The following TRIM39 variants were observed in gnomAD, a reference collection of about 807,000 sequenced individuals.
TRIM39 encodes the protein tripartite motif containing 39, also known as E3 ubiquitin-protein ligase TRIM39.
Under a neutral mutation model 53.6 loss-of-function variants are expected in TRIM39, and 5 were observed. That is an observed-to-expected ratio of 0.09 (90% CI 0.05 to 0.20). TRIM39 has a LOEUF of 0.20. TRIM39 is among the 10% of genes least tolerant of loss of function. The probability of loss-of-function intolerance (pLI) is 1.00; values close to 1 mark genes in which losing one functional copy is unlikely to be tolerated. For missense variants in TRIM39, 310 were observed against 621.0 expected (o/e 0.50, Z 5.32); for synonymous variants, 196 against 237.6 (o/e 0.82, Z 1.61).
intron 5 of TRIM39, among the ~76,000 whole-genome samples, chr6:30,336,679 C>G (rs1350766746): frequency 6.6e-6 from 1 of 152,194 alleles, no homozygotes; most frequent in Non-Finnish European, 1.5e-5. Context: ...TCTTTGAAAA[C>G]CCACATTTGC....
intron 5 of TRIM39, chr6:30,336,198 A>T (rs1361920173): frequency 1.4e-6 from 1 of 738,396 alleles, no homozygotes; most frequent in Non-Finnish European, 2.4e-6. Context: ...TATGTGCTTA[A>T]TCTGTTCCAA....
chr6:30,333,356 T>G (rs1223436770), intron 4 of TRIM39, among the ~76,000 whole-genome samples: 1 of 138,098 alleles, frequency 7.2e-6, no homozygotes, highest in Non-Finnish European at 1.6e-5. Context: ...TTTTGTGGTT[T>G]TTTTTTTTTT....
chr6:30,331,428 A>T (rs985493749), intron 4 of TRIM39, among the ~76,000 whole-genome samples: 1 of 152,250 alleles, frequency 6.6e-6, no homozygotes, highest in African/African-American at 2.4e-5. Flanking sequence ...CAGACAGAAT[A>T]TCTTACATCT....
At chr6:30,329,848 A>G (rs1785905249) in intron 3 of TRIM39, 78 bp downstream of exon 3, 6 of 1,517,534 alleles carry the variant, frequency 4.0e-6, no homozygotes, top group Non-Finnish European at 5.3e-6. Context: ...CTAGGTAGAG[A>G]TCGTAAGCTC....
In TRIM39 at chr6:30,342,645, GT is replaced by G; in HGVS notation, c.*388del. 1 of 282,254 alleles carries G rather than the reference GT, an allele frequency of 3.5e-6. No individual in the cohort carries two copies. The highest frequency in any genetic ancestry group is 6.2e-5 in the South Asian group (1 of 16,202). The allele number at this position is 282,254 out of a possible 1,614,324, so 17.5% of individuals were successfully genotyped here. A position where few individuals can be genotyped will look rare whatever the true frequency, so the allele number is the denominator to read the frequency against. On this transcript the variant is annotated 3_prime_UTR_variant, in exon 8 of 8. Coordinates refer to ENST00000396551, the Ensembl canonical transcript of TRIM39. The surrounding 1 kb of genome is among the most constrained non-coding windows in gnomAD (Gnocchi z 4.7). ...AAACCCCTGCACATCTTTTTAGGGG[GT>G]TCTTTGACCCAGGATAGTCTTGCTT...
intron 5 of TRIM39, among the ~76,000 whole-genome samples, chr6:30,337,297 C>T (rs773676975): frequency 5.3e-5 from 8 of 151,988 alleles, no homozygotes; most frequent in Non-Finnish European, 8.8e-5. Context: ...CCCAGCTACT[C>T]GGGAGGCTGA....
In TRIM39 at chr6:30,335,150, AAT is replaced by A. The variant is rs1268120505; in HGVS notation, c.550-586_550-585del. Among the ~76,000 whole-genome samples, 1 of 152,162 alleles carries A rather than the reference AAT, an allele frequency of 6.6e-6. No homozygotes were observed. The highest frequency in any genetic ancestry group is 1.5e-5 in the Non-Finnish European group (1 of 68,020). On this transcript the variant is annotated intron_variant, in intron 4 of 7. Transcript: ENST00000396551. This position sits in a 1 kb window ranked among gnomAD's most constrained non-coding sequence, Gnocchi z 4.7. ...GAGTTCTTTATCTTAAATTAAAACA[AAT>A]ATATATATCCGCAGTGGTCTTCACT...
chr6:30,334,126 C>G (rs1786566519), intron 4 of TRIM39, among the ~76,000 whole-genome samples: 3 of 152,224 alleles, frequency 2.0e-5, no homozygotes, highest in Non-Finnish European at 2.9e-5. Context: ...AAGAGCTAGT[C>G]AGCCTCTGCC....
intron 2 of TRIM39, 128 bp downstream of exon 2, chr6:30,329,169 G>A: frequency 1.1e-6 from 1 of 951,260 alleles, no homozygotes; most frequent in Non-Finnish European, 1.5e-6. Context: ...TGGAAGAGAA[G>A]ATGGAGAATA....
chr6:30,338,728 A>G lies in TRIM39; in HGVS notation c.781-1180A>G, dbSNP rs1417310567. ...ACTTGCTCAACACAGGTTGCCACAA[A>G]CCATCTATCTGAAAAACATACAATG... On this transcript the variant is annotated intron_variant, in intron 5 of 7. Coordinates refer to ENST00000396551, the Ensembl canonical transcript of TRIM39. The surrounding 1 kb of genome is among the most constrained non-coding windows in gnomAD (Gnocchi z 4.0). Among the ~76,000 whole-genome samples, 1 of 151,966 alleles carries G rather than the reference A, an allele frequency of 6.6e-6. No homozygotes were observed. Among genetic ancestry groups the G allele is most frequent in the African/African-American group, 2.4e-5 (1 of 41,330 alleles).
At position 30,335,851 on chromosome 6, in the gene TRIM39, A is replaced by C; in HGVS notation, c.656A>C (p.Glu219Ala). ...TTGCTTTCACGACTGGAAGAAGAGG[A>C]ACAGGACATTCTGCAGCGACTCCGA... The change falls in exon 5 of 8, where the codon GAA (glutamate) becomes GCA (alanine). Residue 219 changes from glutamate (E) to alanine (A), a missense_variant. Transcript: ENST00000396551. This position sits in a 1 kb window ranked among gnomAD's most constrained non-coding sequence, Gnocchi z 4.7. 4 of 1,612,702 alleles carry C rather than the reference A, an allele frequency of 2.5e-6. No individual in the cohort carries two copies. The highest frequency in any genetic ancestry group is 3.4e-6 in the Non-Finnish European group (4 of 1,179,906).
In TRIM39 at chr6:30,339,244, G is replaced by A. The variant is rs1335000176; in HGVS notation, c.781-664G>A. Among the ~76,000 whole-genome samples the A allele has an allele frequency of 6.6e-6, 1 of 151,730 alleles. No homozygotes were observed. Among genetic ancestry groups the A allele is most frequent in the Admixed American group, 6.6e-5 (1 of 15,240 alleles). On this transcript the variant is annotated intron_variant, in intron 5 of 7. Coordinates refer to ENST00000396551, the Ensembl canonical transcript of TRIM39. The surrounding 1 kb of genome is among the most constrained non-coding windows in gnomAD (Gnocchi z 4.2). ...GCTCACTGCAACCTTTGCCTCCTGT[G>A]TTCAAGCGATTCTCCTGCCTCAGCC...
chr6:30,338,388 G>T lies in TRIM39; in HGVS notation c.781-1520G>T, dbSNP rs1241260681. Among the ~76,000 whole-genome samples the T allele has an allele frequency of 2.6e-5, 4 of 151,822 alleles. No homozygotes were observed. The highest frequency in any genetic ancestry group is 1.5e-5 in the Non-Finnish European group (1 of 67,986). On this transcript the variant is annotated intron_variant, in intron 5 of 7. Transcript: ENST00000396551. The surrounding 1 kb of genome is among the most constrained non-coding windows in gnomAD (Gnocchi z 4.0). ...CATGAACACTTAGAGGCCATTGCAG[G>T]ATTATTAATTGATATAATTTTAATA...
Position 30,335,633 on chromosome 6 carries a change from C to G in TRIM39, c.550-112C>G, listed in dbSNP as rs1009067184. 7.2e-7 allele frequency: 1 copy of G among 1,391,480 alleles called. No homozygotes were observed. Among genetic ancestry groups the G allele is most frequent in the Non-Finnish European group, 9.6e-7 (1 of 1,042,650 alleles). The allele number at this position is 1,391,480 out of a possible 1,614,324, so 86.2% of individuals were successfully genotyped here. ...TCACCACACCCAGCCTTTGTTAAAC[C>G]ATTTTCAATGAAACTGGAAGTCTGT... On this transcript the variant is annotated intron_variant, in intron 4 of 7. Coordinates refer to ENST00000396551, the Ensembl canonical transcript of TRIM39. The surrounding 1 kb of genome is among the most constrained non-coding windows in gnomAD (Gnocchi z 4.7).
At chr6:30,331,997 A>T (rs1786242420) in intron 4 of TRIM39, among the ~76,000 whole-genome samples, 1 of 152,204 alleles carries the variant, frequency 6.6e-6, no homozygotes, top group Non-Finnish European at 1.5e-5. Flanking sequence ...GATAAGTGAG[A>T]CATAGAAAAG....
exon 1 of TRIM39, chr6:30,326,761 C>T (rs892627079): frequency 3.1e-4 from 48 of 153,722 alleles, no homozygotes; most frequent in African/African-American, 1.1e-3. Flanking sequence ...GCCCTTGATT[C>T]CCCCTGCTGC....
intron 4 of TRIM39, among the ~76,000 whole-genome samples, chr6:30,331,434 C>T (rs1786162544): frequency 6.6e-6 from 1 of 152,170 alleles, no homozygotes; most frequent in South Asian, 2.1e-4. Flanking sequence ...GAATATCTTA[C>T]ATCTGGTGAG....
At chr6:30,340,004 G>C in intron 6 of TRIM39, 74 bp downstream of exon 6, 1 of 1,610,826 alleles carries the variant, frequency 6.2e-7, no homozygotes, top group South Asian at 1.1e-5. Flanking sequence ...AGGAGTTTGG[G>C]TTGGGGGTGA....
rs1787232622 is a variant in TRIM39, at chr6:30,339,371, A to G, written c.781-537A>G. On this transcript the variant is annotated intron_variant, in intron 5 of 7. Transcript: ENST00000396551. The surrounding 1 kb of genome is among the most constrained non-coding windows in gnomAD (Gnocchi z 4.2). ...ACCATGTTGGCTAGGCTGGTCTTGA[A>G]CTCCTGACCTCAAGTGATCCACCCG... Among the ~76,000 whole-genome samples the G allele has an allele frequency of 6.6e-6, 1 of 151,442 alleles. No homozygotes were observed. The highest frequency in any genetic ancestry group is 1.5e-5 in the Non-Finnish European group (1 of 67,846).
Sources: allele counts gnomAD v4.1 joint callset (sites outside exome capture counted in the v4.1 genomes callset), GRCh38; gene constraint gnomAD v4.1.1; non-coding constraint Gnocchi (gnomAD v3.1); transcripts MANE v1.5; gene names NCBI Gene and HGNC (gene_info 2026-07-23, HGNC 2026-07-21).